DARS1: variants seen among roughly 807,000 people sequenced by gnomAD.
The protein encoded by DARS1 is aspartate--tRNA ligase, cytoplasmic.
DARS1 carries 51 observed loss-of-function variants against 68.8 expected under a neutral mutation model. That is an observed-to-expected ratio of 0.74 (90% CI 0.59 to 0.94). The LOEUF (loss-of-function observed/expected upper bound fraction) is 0.94, where lower values mean the gene tolerates loss of function less well. Ranked by LOEUF, DARS1 falls within the 40% of genes least tolerant of loss-of-function variation. The pLI is 0.00. For missense variants in DARS1, 607 were observed against 597.3 expected (o/e 1.02, Z -0.17); for synonymous variants, 203 against 190.4 (o/e 1.07, Z -0.55).
At chr2:135,954,979 G>A (rs1681937975) in intron 4 of DARS1, among the ~76,000 whole-genome samples, 1 of 151,690 alleles carries the variant, frequency 6.6e-6, no homozygotes, top group South Asian at 2.1e-4. Flanking sequence ...TCTCAATAAA[G>A]GCCTAAAATA....
intron 15 of DARS1, among the ~76,000 whole-genome samples, chr2:135,909,167 A>G (rs1356615944): frequency 6.6e-6 from 1 of 152,166 alleles, no homozygotes; most frequent in African/African-American, 2.4e-5. Context: ...TAGGAAAAAG[A>G]GCAATGCATG....
chr2:135,962,405 A>G (rs1682121299), intron 3 of DARS1, among the ~76,000 whole-genome samples: 1 of 152,226 alleles, frequency 6.6e-6, no homozygotes, highest in African/African-American at 2.4e-5. Context: ...TTTACACATC[A>G]GATTGTTTTG....
At chr2:135,938,479 C>T (rs186834551) in intron 5 of DARS1, among the ~76,000 whole-genome samples, 2 of 152,278 alleles carry the variant, frequency 1.3e-5, no homozygotes, top group East Asian at 3.9e-4. Context: ...CCGTCTGAAG[C>T]CTTCTTCTCT....
chr2:135,968,039 C>A (rs898898861), intron 3 of DARS1, among the ~76,000 whole-genome samples: 4 of 152,258 alleles, frequency 2.6e-5, no homozygotes, highest in Non-Finnish European at 4.4e-5. Context: ...GTGGGCAGAT[C>A]ACCTGAGGTC....
In DARS1 at chr2:135,911,328, A is replaced by ACC. The variant is rs1680890517; in HGVS notation, c.1342+53_1342+54insGG. Reference sequence around the variant, plus strand: ...AGACTGAGAAGTCTTTTAAATGTTTACAATGTATTATTTTCAGAATATACA... The same window carrying ACC: ...AGACTGAGAAGTCTTTTAAATGTTTACCCAATGTATTATTTTCAGAATATACA... On this transcript the variant is annotated intron_variant, in intron 14 of 15. Transcript: ENST00000264161. 8.2e-6 allele frequency: 7 copies of ACC among 854,792 alleles called. No individual in the cohort carries two copies. In the Admixed American group the frequency reaches 1.1e-4, roughly 14 times the overall value. The allele number at this position is 854,792 out of a possible 1,614,324, so 53.0% of individuals were successfully genotyped here.
At position 135,907,243 on chromosome 2, in the gene DARS1, T is replaced by TTTTTTTTTTC. The variant is rs1680804190; in HGVS notation, c.*72_*73insGAAAAAAAAA. Reference sequence around the variant, plus strand: ...ACTGAAAAGAATAAGTGTGGCTTTCTTTTTTTTTTTTTTTTTTTGAGGCAG... The same window carrying TTTTTTTTTTC: ...ACTGAAAAGAATAAGTGTGGCTTTCTTTTTTTTTTCTTTTTTTTTTTTTTTTTTGAGGCAG... On this transcript the variant is annotated 3_prime_UTR_variant, in exon 16 of 16. Coordinates refer to ENST00000264161, the MANE Select transcript of DARS1 (RefSeq NM_001349.4). 6.5e-6 allele frequency: 1 copy of TTTTTTTTTTC among 154,454 alleles called. No individual in the cohort carries two copies. Among genetic ancestry groups the TTTTTTTTTTC allele is most frequent in the African/African-American group, 4.0e-5 (1 of 24,904 alleles). 9.6% of individuals were successfully genotyped at this position (154,454 alleles called of 1,614,324 possible).
At chr2:135,975,898 G>A (rs1417353946) in intron 3 of DARS1, among the ~76,000 whole-genome samples, 1 of 152,060 alleles carries the variant, frequency 6.6e-6, no homozygotes, top group Non-Finnish European at 1.5e-5. Flanking sequence ...GCAATGAGCT[G>A]AGATTGCCTC....
chr2:135,957,542 G>T (rs1011021257), intron 4 of DARS1, among the ~76,000 whole-genome samples: 1 of 151,934 alleles, frequency 6.6e-6, no homozygotes, highest in African/African-American at 2.4e-5. Context: ...AAATTTTTTT[G>T]GTAGAGATGG....
intron 4 of DARS1, among the ~76,000 whole-genome samples, chr2:135,954,162 G>A (rs936217074): frequency 6.6e-6 from 1 of 151,718 alleles, no homozygotes; most frequent in South Asian, 2.1e-4. Context: ...GCTATAATGT[G>A]GAGGGTTTTG....
At chr2:135,934,157 T>G (rs1397525450) in intron 5 of DARS1, among the ~76,000 whole-genome samples, 167 bp from the exon 6 acceptor site, 2 of 152,234 alleles carry the variant, frequency 1.3e-5, no homozygotes, top group African/African-American at 4.8e-5. Flanking sequence ...TTCACCTTGA[T>G]GATTTGTTTA....
rs869183598 is a variant in DARS1 at position 135,907,238 on chromosome 2, C to CT, written c.*77dup. ...AGGTTACTGAAAAGAATAAGTGTGG[C>CT]TTTCTTTTTTTTTTTTTTTTTTTGA... On this transcript the variant is annotated 3_prime_UTR_variant, in exon 16 of 16. Transcript: ENST00000264161. 16 of 725,348 alleles carry CT rather than the reference C, an allele frequency of 2.2e-5. No individual in the cohort carries two copies. The highest frequency in any genetic ancestry group is 1.7e-4 in the South Asian group (8 of 47,076). The allele number at this position is 725,348 out of a possible 1,614,324, so 44.9% of individuals were successfully genotyped here.
chr2:135,931,868 C>G (rs1396444584), intron 7 of DARS1, among the ~76,000 whole-genome samples: 1 of 152,006 alleles, frequency 6.6e-6, no homozygotes, highest in Non-Finnish European at 1.5e-5. Flanking sequence ...ACCCAAAACC[C>G]AAAAACTCCT....
At chr2:135,918,064 C>T (rs768293866) in intron 10 of DARS1, among the ~76,000 whole-genome samples, 14 of 151,980 alleles carry the variant, frequency 9.2e-5, no homozygotes, top group Non-Finnish European at 1.6e-4. Flanking sequence ...GGACTACAAG[C>T]GTGTGCCACC....
rs762391974 is a variant in DARS1, at chr2:135,961,461, A to G, written c.255T>C (p.Phe85=). The change falls in exon 4 of 16, where the codon TTT becomes TTC. Residue 85 remains phenylalanine, a synonymous_variant. Transcript: ENST00000264161. The part of the protein sequence containing the change: ...QCFLVLRQQQ[F]NVQALVAVGD... ...CCACCGCCACAAGAGCCTGGACATTAAACTGCTGCTGACGTAGGACTAAGA... is the reference window on the plus strand; with the variant it reads ...CCACCGCCACAAGAGCCTGGACATTGAACTGCTGCTGACGTAGGACTAAGA... 1 of 1,553,522 alleles carries G rather than the reference A, an allele frequency of 6.4e-7. No homozygotes were observed. The highest frequency in any genetic ancestry group is 8.9e-7 in the Non-Finnish European group (1 of 1,124,558).
chr2:135,939,877 C>T (rs1681558364), intron 5 of DARS1, among the ~76,000 whole-genome samples: 1 of 152,172 alleles, frequency 6.6e-6, no homozygotes, highest in South Asian at 2.1e-4. Flanking sequence ...ATACTATAAA[C>T]ACCTCTATGC....
At chr2:135,972,068 T>C (rs887195854) in intron 3 of DARS1, among the ~76,000 whole-genome samples, 9 of 151,580 alleles carry the variant, frequency 5.9e-5, no homozygotes, top group Non-Finnish European at 8.8e-5. Flanking sequence ...TCCACAGAAA[T>C]AGAAAAAAAA....
Position 135,907,241 on chromosome 2 carries a change from T to C in DARS1, c.*75A>G. The C allele has an allele frequency of 1.1e-6, 1 of 885,086 alleles. No individual in the cohort carries two copies. Among genetic ancestry groups the C allele is most frequent in the Non-Finnish European group, 1.7e-6 (1 of 596,684 alleles). The allele number at this position is 885,086 out of a possible 1,614,324, so 54.8% of individuals were successfully genotyped here. ...TTACTGAAAAGAATAAGTGTGGCTT[T>C]CTTTTTTTTTTTTTTTTTTTGAGGC... On this transcript the variant is annotated 3_prime_UTR_variant, in exon 16 of 16. Transcript: ENST00000264161.
At chr2:135,976,702 G>T (rs1006737678) in intron 3 of DARS1, among the ~76,000 whole-genome samples, 1 of 148,268 alleles carries the variant, frequency 6.7e-6, no homozygotes, top group South Asian at 2.1e-4. Context: ...TTTGAGTGCC[G>T]ACATGACTCT....
intron 4 of DARS1, among the ~76,000 whole-genome samples, chr2:135,956,671 T>C (rs559058327): frequency 6.6e-6 from 1 of 152,216 alleles, no homozygotes; most frequent in African/African-American, 2.4e-5. Flanking sequence ...GGGAACTAAA[T>C]CCTTGCGTTC....
Sources: allele counts gnomAD v4.1 joint callset (sites outside exome capture counted in the v4.1 genomes callset), GRCh38; gene constraint gnomAD v4.1.1; transcripts MANE v1.5; gene names NCBI Gene and HGNC (gene_info 2026-07-23, HGNC 2026-07-21).